Variants in ADAMTS18 observed in about 807,000 individuals in gnomAD.
The protein encoded by ADAMTS18 is A disintegrin and metalloproteinase with thrombospondin motifs 18.
A neutral mutation model predicts 165.9 loss-of-function variants in ADAMTS18; 157 were observed. That is an observed-to-expected ratio of 0.95 (90% CI 0.83 to 1.08). The LOEUF (loss-of-function observed/expected upper bound fraction) is 1.08, where lower values mean the gene tolerates loss of function less well. Among genes scored for constraint, ADAMTS18 ranks in the 50% least tolerant of loss-of-function variants. The probability of loss-of-function intolerance (pLI) is 0.00; values close to 1 mark genes in which losing one functional copy is unlikely to be tolerated. For synonymous variants in ADAMTS18, 782 were observed against 578.2 expected (o/e 1.35, Z -5.06); for missense variants, 2,040 against 1,534.0 (o/e 1.33, Z -5.51).
At chr16:77,319,698 C>A (rs1360447464) in intron 16 of ADAMTS18, 151 bp downstream of exon 16, 1 of 1,310,036 alleles carries the variant, frequency 7.6e-7, no homozygotes, top group African/African-American at 1.4e-5. Context: ...CCACCTCAGC[C>A]TCCCAAAGTG....
intron 3 of ADAMTS18, among the ~76,000 whole-genome samples, chr16:77,421,086 A>G (rs150294288): frequency 1.3e-5 from 2 of 152,358 alleles, no homozygotes; most frequent in African/African-American, 4.8e-5. Flanking sequence ...GCACTACATA[A>G]TTTATATTAG....
At chr16:77,322,209 T>C in intron 14 of ADAMTS18, 127 bp downstream of exon 14, 1 of 1,056,876 alleles carries the variant, frequency 9.5e-7, no homozygotes, top group Non-Finnish European at 1.4e-6. Context: ...TGAAACACTT[T>C]GCTCTTTCGC....
At chr16:77,325,823 A>T in intron 13 of ADAMTS18, 43 bp downstream of exon 13, 1 of 1,563,988 alleles carries the variant, frequency 6.4e-7, no homozygotes, top group South Asian at 1.1e-5. Context: ...TCACATTATT[A>T]TCCACATAGA....
At chr16:77,287,799 C>CATATGCACCCTAT (rs2055282197) in intron 22 of ADAMTS18, among the ~76,000 whole-genome samples, 1 of 152,144 alleles carries the variant, frequency 6.6e-6, no homozygotes, top group Non-Finnish European at 1.5e-5. Context: ...AGCCATTTCT[C>CATATGCACCCTAT]ATATGCACCC....
chr16:77,313,594 G>A (rs1303648730), intron 16 of ADAMTS18, among the ~76,000 whole-genome samples: 1 of 152,042 alleles, frequency 6.6e-6, no homozygotes, highest in Non-Finnish European at 1.5e-5. Context: ...ATGGTTGCTT[G>A]TCATGAAGCG....
chr16:77,398,631 C>T (rs2057289229), intron 3 of ADAMTS18, among the ~76,000 whole-genome samples: 1 of 152,130 alleles, frequency 6.6e-6, no homozygotes, highest in African/African-American at 2.4e-5. Flanking sequence ...TAAGTCTTTG[C>T]TGTTGGGGGT....
chr16:77,385,703 G>A (rs536871404), intron 3 of ADAMTS18, among the ~76,000 whole-genome samples: 2 of 152,162 alleles, frequency 1.3e-5, no homozygotes, highest in Non-Finnish European at 2.9e-5. Flanking sequence ...TCAACCCATT[G>A]GGCAGGTGCA....
chr16:77,285,340 T>C (rs1468681278), intron 22 of ADAMTS18, among the ~76,000 whole-genome samples: 1 of 152,048 alleles, frequency 6.6e-6, no homozygotes, highest in African/African-American at 2.4e-5. Flanking sequence ...GCCCAGTTAA[T>C]TTTTGTATTT....
intron 16 of ADAMTS18, among the ~76,000 whole-genome samples, chr16:77,317,994 G>A (rs2055918411): frequency 6.6e-6 from 1 of 152,136 alleles, no homozygotes; most frequent in Non-Finnish European, 1.5e-5. Context: ...CAGAAAACAA[G>A]CACTATGTCG....
rs1397236268 is a variant in ADAMTS18, at chr16:77,434,637, C to A, written c.59G>T (p.Arg20Met). 6.7e-7 allele frequency: 1 copy of A among 1,485,300 alleles called. No homozygotes were observed. Among genetic ancestry groups the A allele is most frequent in the Non-Finnish European group, 8.9e-7 (1 of 1,125,066 alleles). 92.0% of individuals were successfully genotyped at this position (1,485,300 alleles called of 1,614,324 possible). The change falls in exon 1 of 23, where the codon AGG becomes ATG. Residue 20 changes from arginine to methionine, a missense_variant. Coordinates refer to ENST00000282849, the MANE Select transcript of ADAMTS18 (RefSeq NM_199355.4). ...CACGCGCCCCAGTCCCGCCAGGCCC[C>A]TCGGCGGGCCCGAACCCGCAGCCGG... is the stretch of plus-strand genomic sequence containing the variant. ...AFPAAGSGPP[R>M]GLAGLGRVAK... is the part of the protein sequence containing the mutation.
chr16:77,359,169 T>C, intron 8 of ADAMTS18, 149 bp downstream of exon 8: 1 of 730,552 alleles, frequency 1.4e-6, no homozygotes, highest in South Asian at 1.6e-5. Context: ...TAGCCTTTAG[T>C]GAGCCCTTTG....
intron 6 of ADAMTS18, among the ~76,000 whole-genome samples, chr16:77,363,231 C>G (rs2056741650): frequency 6.6e-6 from 1 of 152,162 alleles, no homozygotes; most frequent in Non-Finnish European, 1.5e-5. Context: ...TAATTTGCCC[C>G]ATGTTTGTGT....
At chr16:77,295,646 G>A (rs1447595234) in intron 18 of ADAMTS18, among the ~76,000 whole-genome samples, 1 of 152,176 alleles carries the variant, frequency 6.6e-6, no homozygotes, top group Admixed American at 6.5e-5. Context: ...GTTTGTGCAG[G>A]AGAGAGGGGT....
intron 3 of ADAMTS18, among the ~76,000 whole-genome samples, chr16:77,393,404 G>C (rs2057215689): frequency 6.6e-6 from 1 of 152,168 alleles, no homozygotes; most frequent in Non-Finnish European, 1.5e-5. Context: ...AATGGACAGG[G>C]TTCTAAACCC....
chr16:77,390,828 C>T (rs1239308341), intron 3 of ADAMTS18, among the ~76,000 whole-genome samples: 3 of 152,270 alleles, frequency 2.0e-5, no homozygotes, highest in Non-Finnish European at 4.4e-5. Flanking sequence ...TGATCCATTA[C>T]AATGAAATAA....
chr16:77,310,809 T>G (rs1170310303), intron 16 of ADAMTS18, among the ~76,000 whole-genome samples: 1 of 152,036 alleles, frequency 6.6e-6, no homozygotes, highest in African/African-American at 2.4e-5. Context: ...TGTATTCTCA[T>G]GGAGACGGGG....
Position 77,320,026 on chromosome 16 carries a change from G to A in ADAMTS18, c.2355C>T (p.Ser785=), listed in dbSNP as rs267604649. The change falls in exon 16 of 23, where the codon TCC becomes TCT. Residue 785 remains serine (S), a synonymous_variant. Coordinates refer to ENST00000282849, the MANE Select transcript of ADAMTS18 (RefSeq NM_199355.4). ...RSIEIQELQV[S]SSYLAVRSLS... ...GGCTTCGAACTGCGAGGTAACTGGA[G>A]GAAACCTGCAGCTCCTGGATTTCGA... The A allele has an allele frequency of 9.9e-6, 16 of 1,614,052 alleles. No individual in the cohort carries two copies. Among genetic ancestry groups the A allele is most frequent in the African/African-American group, 1.3e-5 (1 of 74,934 alleles).
intron 22 of ADAMTS18, among the ~76,000 whole-genome samples, chr16:77,285,704 A>G (rs1265017934): frequency 2.0e-5 from 3 of 152,120 alleles, no homozygotes; most frequent in African/African-American, 4.8e-5. Flanking sequence ...TGGTTGTTTG[A>G]GCTTCTACTG....
At chr16:77,308,340 C>T (rs906679633) in intron 16 of ADAMTS18, among the ~76,000 whole-genome samples, 1 of 152,152 alleles carries the variant, frequency 6.6e-6, no homozygotes, top group African/African-American at 2.4e-5. Context: ...TAATGAAACA[C>T]TCATGATGAA....
Sources: allele counts gnomAD v4.1 joint callset (sites outside exome capture counted in the v4.1 genomes callset), GRCh38; gene constraint gnomAD v4.1.1; transcripts MANE v1.5; gene names NCBI Gene and HGNC (gene_info 2026-07-23, HGNC 2026-07-21).